Variants in NHS observed in about 807,000 individuals in gnomAD.
NHS encodes actin remodeling regulator NHS.
NHS carries 5 observed loss-of-function variants against 72.5 expected under a neutral mutation model. The ratio of observed to expected loss-of-function variants is 0.07; its 90% CI spans 0.04 to 0.14. NHS has a LOEUF of 0.14. Among genes scored for constraint, NHS ranks in the 10% least tolerant of loss-of-function variants. NHS has a pLI of 1.00. For missense variants in NHS, 1,072 were observed against 1,355.7 expected (o/e 0.79, Z 3.29); for synonymous variants, 464 against 547.7 (o/e 0.85, Z 2.13).
At chrX:17,421,246 C>T (rs866034284) in intron 1 of NHS, among the ~76,000 whole-genome samples, 9 of 100,052 alleles carry the variant, frequency 9.0e-5, no homozygotes, top group Non-Finnish European at 1.4e-4. Context: ...TGTGTGTGTG[C>T]GCGCACACAC....
At chrX:17,541,767 AACACACAC>A (rs57700886) in intron 1 of NHS, among the ~76,000 whole-genome samples, 647 of 62,911 alleles carry the variant, frequency 0.01, 18 homozygotes, top group African/African-American at 0.043. Flanking sequence ...TGAGTTTGCG[AACACACAC>A]ACACACACAC....
At chrX:17,664,854 CA>C (rs1394823060) in intron 1 of NHS, among the ~76,000 whole-genome samples, 3 of 111,351 alleles carry the variant, frequency 2.7e-5, no homozygotes, top group Non-Finnish European at 5.7e-5. Flanking sequence ...AGCTTTTGAT[CA>C]TATAGGTCTT....
chrX:17,571,990 T>C (rs753620154), intron 1 of NHS, among the ~76,000 whole-genome samples: 1 of 112,518 alleles, frequency 8.9e-6, no homozygotes, highest in South Asian at 3.7e-4. Flanking sequence ...GTGAGTTTCT[T>C]AATCCTGAGT....
chrX:17,507,028 T>G (rs1311605612), intron 1 of NHS, among the ~76,000 whole-genome samples: 2 of 112,491 alleles, frequency 1.8e-5, no homozygotes, highest in Non-Finnish European at 3.7e-5. Flanking sequence ...TGTCTACTTT[T>G]CAGATTCCTT....
chrX:17,497,775 A>T (rs2065019714), intron 1 of NHS, among the ~76,000 whole-genome samples: 1 of 112,136 alleles, frequency 8.9e-6, no homozygotes, highest in Admixed American at 9.5e-5. Context: ...TACTGTATTC[A>T]TCTTTAACTG....
intron 1 of NHS, among the ~76,000 whole-genome samples, chrX:17,457,817 T>C (rs1240241859): frequency 1.8e-5 from 2 of 111,567 alleles, no homozygotes; most frequent in East Asian, 2.8e-4. Context: ...ATTATGTTCA[T>C]TGTGGGATCC....
chrX:17,416,254 C>T (rs2064594226), intron 1 of NHS, among the ~76,000 whole-genome samples: 1 of 111,326 alleles, frequency 9.0e-6, no homozygotes, highest in Admixed American at 9.6e-5. Flanking sequence ...GCCTATAACC[C>T]TCACCTATAC....
intron 1 of NHS, among the ~76,000 whole-genome samples, chrX:17,409,114 G>A (rs907873674): frequency 8.9e-6 from 1 of 112,299 alleles, no homozygotes; most frequent in Non-Finnish European, 1.9e-5. Flanking sequence ...CAGCCCCACT[G>A]GGGGTTAGGG....
At chrX:17,421,448 A>C (rs1424305887) in intron 1 of NHS, among the ~76,000 whole-genome samples, 1 of 111,998 alleles carries the variant, frequency 8.9e-6, no homozygotes, top group Non-Finnish European at 1.9e-5. Flanking sequence ...TGGAAATGAA[A>C]TTTGGATGAA....
rs2065423034 is a variant in NHS at position 17,562,892 on chromosome X, T to C, written c.566-124850T>C. ...TAAGCTCCTGCATATTGAGATATACTTGCCTGAATCCCTAAAATTCTGCCT... is the reference window on the plus strand; with the variant it reads ...TAAGCTCCTGCATATTGAGATATACCTGCCTGAATCCCTAAAATTCTGCCT... On this transcript the variant is annotated intron_variant, in intron 1 of 8. Transcript: ENST00000676302. Among the ~76,000 whole-genome samples, 3 of 111,581 alleles carry C rather than the reference T, an allele frequency of 2.7e-5. No homozygotes were observed. The Admixed American group carries it at 2.9e-4, about 11-fold the overall frequency.
chrX:17,514,188 G>A (rs772335563), intron 1 of NHS, among the ~76,000 whole-genome samples: 1 of 112,367 alleles, frequency 8.9e-6, no homozygotes, highest in Admixed American at 9.4e-5. Context: ...GATTTAAGTG[G>A]GGACAAAGCC....
intron 1 of NHS, among the ~76,000 whole-genome samples, chrX:17,509,112 T>C (rs2065073277): frequency 8.9e-6 from 1 of 112,066 alleles, no homozygotes. Flanking sequence ...GGGGTTCAGG[T>C]AGAATCCCTT....
chrX:17,474,884 C>T (rs1915610793), intron 1 of NHS, among the ~76,000 whole-genome samples: 2 of 111,129 alleles, frequency 1.8e-5, no homozygotes, highest in African/African-American at 3.3e-5. Flanking sequence ...TCATAAGCCC[C>T]CAGCCAGACC....
At chrX:17,380,860 G>A (rs2064374350) in intron 1 of NHS, among the ~76,000 whole-genome samples, 1 of 111,843 alleles carries the variant, frequency 8.9e-6, no homozygotes. Flanking sequence ...GATGAGATGA[G>A]AGCACCATTT....
At chrX:17,399,652 T>A (rs769908723) in intron 1 of NHS, among the ~76,000 whole-genome samples, 3 of 111,681 alleles carry the variant, frequency 2.7e-5, no homozygotes, top group Non-Finnish European at 3.8e-5. Flanking sequence ...TCTCTAGATA[T>A]TGAAGATACA....
intron 1 of NHS, among the ~76,000 whole-genome samples, chrX:17,384,831 A>G (rs1387871732): frequency 8.9e-6 from 1 of 112,527 alleles, no homozygotes; most frequent in Admixed American, 9.4e-5. Context: ...TTGATAGTTC[A>G]GCTTAATTTC....
chrX:17,431,558 G>A (rs1377824142), intron 1 of NHS, among the ~76,000 whole-genome samples: 2 of 111,556 alleles, frequency 1.8e-5, no homozygotes, highest in Non-Finnish European at 3.8e-5. Flanking sequence ...ACTCAACAGT[G>A]TAGTAAGATG....
intron 1 of NHS, among the ~76,000 whole-genome samples, chrX:17,527,048 T>TG (rs1241172114): frequency 2.7e-5 from 3 of 112,289 alleles, no homozygotes; most frequent in Non-Finnish European, 3.8e-5. Flanking sequence ...CATTTTCCTC[T>TG]GGGGGTTGAA....
intron 1 of NHS, among the ~76,000 whole-genome samples, chrX:17,556,878 T>C (rs2065377614): frequency 9.1e-6 from 1 of 110,252 alleles, no homozygotes; most frequent in Non-Finnish European, 1.9e-5. Context: ...TAACAAAATA[T>C]CGTACCTTAT....
Sources: gnomAD v4.1 joint callset for allele counts (sites outside exome capture counted in the v4.1 genomes callset) on GRCh38, gnomAD v4.1.1 for gene constraint, MANE v1.5 for transcripts, NCBI Gene and HGNC (gene_info 2026-07-23, HGNC 2026-07-21) for gene names.